Variants in RARB observed in about 807,000 individuals in gnomAD.
RARB encodes the protein retinoic acid receptor beta.
A neutral mutation model predicts 51.9 loss-of-function variants in RARB; 17 were observed. The observed-to-expected ratio is 0.33, with a 90% confidence interval of 0.22 to 0.49. RARB has a LOEUF of 0.49. Among genes scored for constraint, RARB ranks in the 20% least tolerant of loss-of-function variants. The probability of loss-of-function intolerance (pLI) is 0.99; values close to 1 mark genes in which losing one functional copy is unlikely to be tolerated. For missense variants in RARB, 369 were observed against 550.8 expected (o/e 0.67, Z 3.30); for synonymous variants, 215 against 195.4 (o/e 1.10, Z -0.84).
At chr3:25,526,633 G>T (rs924137269) in intron 3 of RARB, among the ~76,000 whole-genome samples, 3 of 152,114 alleles carry the variant, frequency 2.0e-5, no homozygotes, top group Non-Finnish European at 4.4e-5. Context: ...CACATAAAAG[G>T]TACATGGAGA....
In RARB at chr3:24,843,606, T is replaced by C. The variant is rs538011152; in HGVS notation, c.-459+14203T>C. Among the ~76,000 whole-genome samples, 9 of 152,244 alleles carry C rather than the reference T, an allele frequency of 5.9e-5. No individual in the cohort carries two copies. In the South Asian group the frequency reaches 1.9e-3, roughly 32 times the overall value. ...CAGCCCACACACCATCAAACTAATATATCAGATCAGCAAGAAAATTAGACG... is the reference window on the plus strand; with the variant it reads ...CAGCCCACACACCATCAAACTAATACATCAGATCAGCAAGAAAATTAGACG... On this transcript the variant is annotated intron_variant, in intron 1 of 11. Transcript: ENST00000383772.
At chr3:25,362,714 G>T (rs774747099) in intron 5 of RARB, among the ~76,000 whole-genome samples, 1 of 152,188 alleles carries the variant, frequency 6.6e-6, no homozygotes, top group Non-Finnish European at 1.5e-5. Context: ...GGCTTCCCTT[G>T]GTTAGGGGAG....
rs115368650 is a variant in RARB at position 24,989,503 on chromosome 3, T to C, written c.-379-70622T>C. ...CCTACATCCTCACAAATGCTTGATA[T>C]TGCAAGGTATTTTAATGTTTGCCTG... On this transcript the variant is annotated intron_variant, in intron 2 of 11. Transcript: ENST00000383772. 7.0e-3 allele frequency among the ~76,000 whole-genome samples: 781 copies of C among 111,798 alleles called. 251 individuals are homozygous for C. The highest frequency in any genetic ancestry group is 0.026 in the African/African-American group (755 of 28,974). The allele number at this position is 111,798 out of a possible 152,430, so 73.3% of individuals were successfully genotyped here.
intron 1 of RARB, among the ~76,000 whole-genome samples, chr3:25,441,700 G>T (rs1487084424): frequency 6.6e-6 from 1 of 152,048 alleles, no homozygotes; most frequent in African/African-American, 2.4e-5. Context: ...CAAACACCTG[G>T]ATACCTACTG....
rs1460977399 is a variant in RARB, at chr3:25,282,866, A to G, written c.178+108291A>G. On this transcript the variant is annotated intron_variant, in intron 5 of 11. Coordinates refer to the RARB transcript ENST00000383772. ...ACCCGATGGCTTCTGCTTCACTTCC[A>G]CCTTCCAAATCTCAAGGAAGACAGC... Among the ~76,000 whole-genome samples the G allele has an allele frequency of 6.6e-5, 10 of 152,144 alleles. No homozygotes were observed. The East Asian group carries it at 1.9e-3, about 29-fold the overall frequency.
At chr3:25,242,306 T>C (rs144486324) in intron 5 of RARB, among the ~76,000 whole-genome samples, 5 of 152,314 alleles carry the variant, frequency 3.3e-5, no homozygotes, top group Non-Finnish European at 7.3e-5. Context: ...ACTCTTTAGT[T>C]TAATTAGATC....
intron 2 of RARB, among the ~76,000 whole-genome samples, chr3:25,003,194 C>CAAAAAAAAAAAAAAA (rs565249387): frequency 1.1e-5 from 1 of 89,514 alleles, no homozygotes; most frequent in East Asian, 2.9e-4. Flanking sequence ...GATCATAATG[C>CAAAAAAAAAAAAAAA]AAAAAAAAAA....
chr3:25,293,597 T>TAAAACAAAAAAAAAAA (rs1703841281), intron 5 of RARB, among the ~76,000 whole-genome samples: 1 of 68,660 alleles, frequency 1.5e-5, no homozygotes, highest in Non-Finnish European at 3.1e-5. Context: ...TTACTCCATT[T>TAAAACAAAAAAAAAAA]AAAAAAAAAA....
chr3:25,568,499 C>CT lies in RARB; in HGVS notation c.449-1253dup, dbSNP rs561053422. On this transcript the variant is annotated intron_variant, in intron 3 of 7. Coordinates refer to ENST00000330688, the MANE Select transcript of RARB (RefSeq NM_000965.5). The stretch of plus-strand genomic sequence containing the variant: ...TGACTTTGTAGTAGGACTCACCTCC[C>CT]TTTTTTCCTTTCTTCCCCCTTCTCA... 3.0e-3 allele frequency among the ~76,000 whole-genome samples: 452 copies of CT among 152,204 alleles called. 3 individuals carry two copies. The highest frequency in any genetic ancestry group is 4.1e-3 in the Non-Finnish European group (281 of 67,986).
At chr3:25,321,203 C>T (rs1239944673) in intron 5 of RARB, among the ~76,000 whole-genome samples, 1 of 152,132 alleles carries the variant, frequency 6.6e-6, no homozygotes, top group Non-Finnish European at 1.5e-5. Flanking sequence ...TGACCCATTA[C>T]AAGTTATGTG....
At chr3:25,239,491 T>C (rs969704889) in intron 5 of RARB, among the ~76,000 whole-genome samples, 4 of 152,176 alleles carry the variant, frequency 2.6e-5, no homozygotes, top group Non-Finnish European at 5.9e-5. Context: ...TGATGAGAGA[T>C]AGGAGTCCAT....
chr3:25,115,637 T>C (rs1053608824), intron 3 of RARB, among the ~76,000 whole-genome samples: 2 of 151,614 alleles, frequency 1.3e-5, no homozygotes, highest in African/African-American at 4.8e-5. Context: ...TTTTTTCCTT[T>C]CTTTTTCTTT....
At chr3:25,566,004 AG>A (rs1700478809) in intron 3 of RARB, among the ~76,000 whole-genome samples, 1 of 152,090 alleles carries the variant, frequency 6.6e-6, no homozygotes, top group African/African-American at 2.4e-5. Flanking sequence ...GCTGGCCTCC[AG>A]GGGAACGAGT....
At chr3:24,949,855 T>A (rs1047140561) in intron 2 of RARB, among the ~76,000 whole-genome samples, 1 of 152,148 alleles carries the variant, frequency 6.6e-6, no homozygotes, top group African/African-American at 2.4e-5. Flanking sequence ...TTTCCTCCAA[T>A]ATCCGGCAAC....
At position 24,984,483 on chromosome 3, in the gene RARB, T is replaced by TA. The variant is rs1575105772; in HGVS notation, c.-379-75641dup. Among the ~76,000 whole-genome samples, 9 of 152,316 alleles carry TA rather than the reference T, an allele frequency of 5.9e-5. No homozygotes were observed. In the East Asian group the frequency reaches 1.7e-3, roughly 29 times the overall value. ...GAAAACATCTCTTTTAAAGTTAAACTATGAATTTTTATTCTTTAAATTATT... is the reference window on the plus strand; with the variant it reads ...GAAAACATCTCTTTTAAAGTTAAACTAATGAATTTTTATTCTTTAAATTATT... On this transcript the variant is annotated intron_variant, in intron 2 of 11. Coordinates refer to the RARB transcript ENST00000383772.
chr3:25,073,282 C>G (rs1698807016), intron 3 of RARB, among the ~76,000 whole-genome samples: 1 of 152,230 alleles, frequency 6.6e-6, no homozygotes, highest in Non-Finnish European at 1.5e-5. Flanking sequence ...TGTTCCCACA[C>G]TGACCTTGCT....
chr3:25,529,209 T>C (rs1005280021), intron 3 of RARB, among the ~76,000 whole-genome samples: 11 of 152,226 alleles, frequency 7.2e-5, no homozygotes, highest in African/African-American at 2.6e-4. Flanking sequence ...AGCTATTGCC[T>C]AGGTATGTGT....
Position 25,292,830 on chromosome 3 carries a change from ATGGTCCTGCCCTATTCGAGGC to A in RARB, c.178+118261_178+118281del, listed in dbSNP as rs1703821994. Among the ~76,000 whole-genome samples the A allele has an allele frequency of 2.0e-5, 3 of 152,276 alleles. No homozygotes were observed. The South Asian group carries it at 6.2e-4, about 32-fold the overall frequency. On this transcript the variant is annotated intron_variant, in intron 5 of 11. Coordinates refer to the RARB transcript ENST00000383772. ...CTGCAGGCCTGTGTTATGAGAAAACATGGTCCTGCCCTATTCGAGGCTGGTCACTTAGAAATAGCTTTTGCC... is the reference window on the plus strand; with the variant it reads ...CTGCAGGCCTGTGTTATGAGAAAACATGGTCACTTAGAAATAGCTTTTGCC...
intron 5 of RARB, among the ~76,000 whole-genome samples, chr3:25,417,198 T>TAAAAAAA (rs35119404): frequency 7.1e-6 from 1 of 141,610 alleles, no homozygotes; most frequent in Non-Finnish European, 1.5e-5. Flanking sequence ...AAAAACCAAT[T>TAAAAAAA]AAAAAAAAAA....
Sources: gnomAD v4.1 joint callset for allele counts (sites outside exome capture counted in the v4.1 genomes callset) on GRCh38, gnomAD v4.1.1 for gene constraint, MANE v1.5 for transcripts, NCBI Gene and HGNC (gene_info 2026-07-23, HGNC 2026-07-21) for gene names.